Variants in NRG1 observed in about 807,000 individuals in gnomAD.
NRG1 encodes the protein pro-neuregulin-1, membrane-bound isoform.
Under a neutral mutation model 63.8 loss-of-function variants are expected in NRG1, and 18 were observed. The observed-to-expected ratio is 0.28, with a 90% CI of 0.19 to 0.42. The LOEUF (loss-of-function observed/expected upper bound fraction) is 0.42, where lower values mean the gene tolerates loss of function less well. NRG1 is among the 10% of genes least tolerant of loss of function. The pLI is 1.00. For synonymous variants in NRG1, 302 were observed against 301.3 expected, an observed-to-expected ratio of 1.00 and a Z score of -0.02; for missense variants, 762 against 814.7, an observed-to-expected ratio of 0.94 and a Z score of 0.79.
chr8:32,416,555 G>C (rs909789300), intron 1 of NRG1, among the ~76,000 whole-genome samples: 6 of 152,152 alleles, frequency 3.9e-5, no homozygotes, highest in Middle Eastern at 3.2e-3. Flanking sequence ...CCGAAAACTT[G>C]TTAGAAATGC....
At chr8:31,940,517 C>G (rs1208175211) in intron 1 of NRG1, among the ~76,000 whole-genome samples, 1 of 151,932 alleles carries the variant, frequency 6.6e-6, no homozygotes, top group African/African-American at 2.4e-5. Flanking sequence ...ACAAACCAAA[C>G]TGAAACCCGG....
chr8:32,758,681 A>G (rs1050821909), intron 9 of NRG1, among the ~76,000 whole-genome samples: 1 of 151,548 alleles, frequency 6.6e-6, no homozygotes, highest in Admixed American at 6.6e-5. Flanking sequence ...TCCATATATT[A>G]TGTGCTTTGT....
intron 1 of NRG1, among the ~76,000 whole-genome samples, chr8:31,816,472 A>T (rs890760609): frequency 2.0e-5 from 3 of 152,188 alleles, no homozygotes; most frequent in Non-Finnish European, 4.4e-5. Context: ...GAAAACTCTC[A>T]ACATTTAGAA....
intron 1 of NRG1, among the ~76,000 whole-genome samples, chr8:32,406,219 T>C (rs1813954709): frequency 6.6e-6 from 1 of 152,166 alleles, no homozygotes; most frequent in Admixed American, 6.6e-5. Flanking sequence ...TCTCATAAGA[T>C]TGGTAGAATT....
In NRG1 at chr8:32,204,014, G is replaced by A. The variant is rs1481751; in HGVS notation, c.38-391814G>A. Among the ~76,000 whole-genome samples, 32 of 152,166 alleles carry A rather than the reference G, an allele frequency of 2.1e-4. 1 individual carries two copies. The highest frequency in any genetic ancestry group is 6.8e-4 in the African/African-American group (28 of 41,418). On this transcript the variant is annotated intron_variant, in intron 1 of 10. Coordinates refer to the NRG1 transcript ENST00000519301. ...TTGAGAATGAAATATCTTTAGTAAA[G>A]ATTTGAAGGAGTTGAGTAGAGATAT...
chr8:32,656,442 G>T (rs1466124378), intron 5 of NRG1, among the ~76,000 whole-genome samples: 2 of 152,110 alleles, frequency 1.3e-5, no homozygotes, highest in Admixed American at 1.3e-4. Context: ...CCTACAAAAA[G>T]GGAAGAAGCC....
At chr8:31,651,108 G>A (rs1804796912) in intron 1 of NRG1, among the ~76,000 whole-genome samples, 1 of 152,172 alleles carries the variant, frequency 6.6e-6, no homozygotes, top group Non-Finnish European at 1.5e-5. Flanking sequence ...AAACAACTGT[G>A]AAACTTTTAG....
At chr8:31,811,020 T>C (rs932598277) in intron 1 of NRG1, among the ~76,000 whole-genome samples, 2 of 152,220 alleles carry the variant, frequency 1.3e-5, no homozygotes, top group South Asian at 4.1e-4. Flanking sequence ...TCTCTCTCTA[T>C]AGTTTGGCTA....
intron 1 of NRG1, among the ~76,000 whole-genome samples, chr8:32,259,073 AT>A: frequency 6.6e-6 from 1 of 152,268 alleles, no homozygotes; most frequent in African/African-American, 2.4e-5. Context: ...AATCCAAATG[AT>A]TTCTCTCATG....
chr8:32,759,413 T>C (rs746918611), exon 10 of NRG1: 1 of 1,613,690 alleles, frequency 6.2e-7, no homozygotes, highest in Non-Finnish European at 8.5e-7. Context: ...ACTCCACTAC[T>C]GTCACCCAGA....
At chr8:32,249,725 G>A (rs888840928) in intron 1 of NRG1, among the ~76,000 whole-genome samples, 6 of 152,016 alleles carry the variant, frequency 3.9e-5, no homozygotes, top group African/African-American at 1.4e-4. Context: ...AGCACAAAGG[G>A]CCCAAATAAG....
intron 1 of NRG1, among the ~76,000 whole-genome samples, chr8:31,760,887 A>G (rs1249614153): frequency 3.7e-4 from 57 of 152,266 alleles, no homozygotes; most frequent in African/African-American, 7.9e-4. Context: ...TGTGGAAGTC[A>G]CTGTGGCGAT....
chr8:32,003,693 A>T (rs961651611), intron 1 of NRG1, among the ~76,000 whole-genome samples: 3 of 151,972 alleles, frequency 2.0e-5, no homozygotes, highest in African/African-American at 7.2e-5. Flanking sequence ...AGCATTAAGA[A>T]CCCAAATTTG....
rs546034088 is a variant in NRG1, at chr8:32,268,102, T to TG, written c.38-327722dup. 9.9e-4 allele frequency among the ~76,000 whole-genome samples: 150 copies of TG among 152,266 alleles called. 1 individual carries two copies. The highest frequency in any genetic ancestry group is 6.8e-3 in the Middle Eastern group (2 of 294). On this transcript the variant is annotated intron_variant, in intron 1 of 10. Coordinates refer to the NRG1 transcript ENST00000519301. ...ACTTTGAGGCACCAAGGGGCCATAT[T>TG]GGGGAACCCCACATGGCAGCCTCCA...
chr8:32,070,013 G>A (rs1000783344), intron 1 of NRG1, among the ~76,000 whole-genome samples: 1 of 152,162 alleles, frequency 6.6e-6, no homozygotes, highest in African/African-American at 2.4e-5. Context: ...TTAAAGGATA[G>A]CCCTGTGAAT....
chr8:32,186,409 C>T (rs1300558931), intron 1 of NRG1, among the ~76,000 whole-genome samples: 2 of 144,892 alleles, frequency 1.4e-5, no homozygotes. Flanking sequence ...TGCAGTAAGC[C>T]GAGATGGCGC....
At chr8:32,662,171 C>A (rs187797037) in intron 5 of NRG1, among the ~76,000 whole-genome samples, 1 of 152,120 alleles carries the variant, frequency 6.6e-6, no homozygotes, top group African/African-American at 2.4e-5. Flanking sequence ...TTCAAAAATA[C>A]CCTTAAGAAA....
intron 1 of NRG1, among the ~76,000 whole-genome samples, chr8:31,845,606 G>A (rs531648662): frequency 1.1e-4 from 17 of 150,596 alleles, no homozygotes; most frequent in South Asian, 2.1e-4. Flanking sequence ...GGAGACTGGC[G>A]TTTTTTTTTA....
intron 1 of NRG1, among the ~76,000 whole-genome samples, chr8:31,783,974 AG>A (rs1819946111): frequency 6.6e-6 from 1 of 152,168 alleles, no homozygotes; most frequent in Non-Finnish European, 1.5e-5. Context: ...TGGTACTATA[AG>A]TTTTTTTGTT....
Sources: gnomAD v4.1 joint callset for allele counts (sites outside exome capture counted in the v4.1 genomes callset) on GRCh38, gnomAD v4.1.1 for gene constraint, MANE v1.5 for transcripts, NCBI Gene and HGNC (gene_info 2026-07-23, HGNC 2026-07-21) for gene names.